The following DPY19L3 variants were observed in gnomAD, a reference collection of about 807,000 sequenced individuals.
DPY19L3 encodes the protein dpy-19 like C-mannosyltransferase 3, also known as protein C-mannosyl-transferase DPY19L3.
A neutral mutation model predicts 92.3 loss-of-function variants in DPY19L3; 51 were observed. That is an observed-to-expected ratio of 0.55 (90% CI 0.44 to 0.70). DPY19L3 has a LOEUF of 0.70. Among genes scored for constraint, DPY19L3 ranks in the 30% least tolerant of loss-of-function variants. The pLI is 0.00. For missense variants in DPY19L3, 706 were observed against 855.9 expected, an observed-to-expected ratio of 0.82 and a Z score of 2.18; for synonymous variants, 309 against 315.2, an observed-to-expected ratio of 0.98 and a Z score of 0.21.
rs368510281 is a variant in DPY19L3, at chr19:32,407,822, A to T, written c.-37-395A>T. ...CAAGATCGAGGGCAGGCTGGGCACA[A>T]TGGCTCATTCATGTAATCCTAGCAC... On this transcript the variant is annotated intron_variant, in intron 1 of 18. Coordinates refer to ENST00000392250, the MANE Select transcript of DPY19L3 (RefSeq NM_001172774.2). 6.7e-4 allele frequency among the ~76,000 whole-genome samples: 102 copies of T among 152,306 alleles called. 2 individuals are homozygous for T. The South Asian group carries it at 0.021, about 31-fold the overall frequency.
chr19:32,416,987 A>T (rs1191901717), intron 3 of DPY19L3, among the ~76,000 whole-genome samples: 1 of 152,242 alleles, frequency 6.6e-6, no homozygotes, highest in Admixed American at 6.5e-5. Flanking sequence ...AGCACAAATT[A>T]GGAGCTCACC....
rs561055535 is a variant in DPY19L3 at position 32,443,557 on chromosome 19, A to G, written c.855+3647A>G. Among the ~76,000 whole-genome samples, 194 of 152,308 alleles carry G rather than the reference A, an allele frequency of 1.3e-3. 1 individual carries two copies. The highest frequency in any genetic ancestry group is 4.6e-3 in the African/African-American group (191 of 41,570). On this transcript the variant is annotated intron_variant, in intron 8 of 18. Transcript: ENST00000392250. ...ACCAGGAAATAAGCCCTCACCAGCCACTGAATCTGCCAGTTCCTTGATCTT... is the reference window on the plus strand; with the variant it reads ...ACCAGGAAATAAGCCCTCACCAGCCGCTGAATCTGCCAGTTCCTTGATCTT...
intron 12 of DPY19L3, among the ~76,000 whole-genome samples, chr19:32,461,469 T>C (rs73569239): frequency 0.083 from 12,699 of 152,290 alleles, 1,174 homozygotes; most frequent in African/African-American, 0.2. Context: ...TCCCCTTGTC[T>C]GTTTTATTTT....
At chr19:32,461,556 G>A (rs1481284034) in intron 12 of DPY19L3, among the ~76,000 whole-genome samples, 2 of 152,170 alleles carry the variant, frequency 1.3e-5, no homozygotes, top group Non-Finnish European at 2.9e-5. Flanking sequence ...ATGGAAACCA[G>A]TGTTTGGGTT....
At chr19:32,436,032 T>G (rs893384020) in intron 4 of DPY19L3, among the ~76,000 whole-genome samples, 2 of 152,224 alleles carry the variant, frequency 1.3e-5, no homozygotes, top group African/African-American at 2.4e-5. Context: ...TTACATCCAC[T>G]TACATGCCAC....
In DPY19L3 at chr19:32,485,324, G is replaced by A. The variant is rs1334553476; in HGVS notation, c.*3084G>A. The stretch of plus-strand genomic sequence containing the variant: ...ATATTAGCCAGGAGCATAGTTAGAT[G>A]TTACCCAGGCCATTTATCATCCTGT... On this transcript the variant is annotated 3_prime_UTR_variant, in exon 19 of 19. Transcript: ENST00000392250. 6.6e-6 allele frequency: 1 copy of A among 152,126 alleles called. No homozygotes were observed. The highest frequency in any genetic ancestry group is 1.5e-5 in the Non-Finnish European group (1 of 68,024). 9.4% of individuals were successfully genotyped at this position (152,126 alleles called of 1,614,324 possible). A position where few individuals can be genotyped will look rare whatever the true frequency, so the allele number is the denominator to read the frequency against.
Position 32,463,361 on chromosome 19 carries a change from C to T in DPY19L3, c.1323-5C>T, listed in dbSNP as rs754089709. The T allele has an allele frequency of 1.2e-6, 2 of 1,613,052 alleles. No individual in the cohort carries two copies. Among genetic ancestry groups the T allele is most frequent in the Middle Eastern group, 3.3e-4 (2 of 6,042 alleles). On this transcript the variant is annotated splice_polypyrimidine_tract_variant and splice_region_variant and intron_variant, in intron 12 of 18. Transcript: ENST00000392250. The stretch of plus-strand genomic sequence containing the variant: ...TTAAATTTTGTATGTTGCTGTTTTA[C>T]TCAGTGATTCTACAAATCAACAATC...
At chr19:32,415,342 T>C (rs1001404694) in intron 3 of DPY19L3, among the ~76,000 whole-genome samples, 3 of 151,976 alleles carry the variant, frequency 2.0e-5, no homozygotes, top group African/African-American at 7.3e-5. Context: ...ACCAGGCAAG[T>C]TGGGGAGGAA....
Position 32,483,552 on chromosome 19 carries a change from G to A in DPY19L3, c.*1312G>A, listed in dbSNP as rs371460104. 1.2e-4 allele frequency: 19 copies of A among 152,670 alleles called. No individual in the cohort carries two copies. In the East Asian group the frequency reaches 3.1e-3, roughly 25 times the overall value. The allele number at this position is 152,670 out of a possible 1,614,324, so 9.5% of individuals were successfully genotyped here. On this transcript the variant is annotated 3_prime_UTR_variant, in exon 19 of 19. Transcript: ENST00000392250. ...CATTTCTCCTTGCAGTTGTATTGAA[G>A]TAAATTACCATAGGCATCAAGATGG...
At position 32,458,381 on chromosome 19, in the gene DPY19L3, A is replaced by G. The variant is rs375035361; in HGVS notation, c.1194A>G (p.Glu398=). The change falls in exon 12 of 19, where the codon GAA becomes GAG. Residue 398 remains glutamate, a synonymous_variant. Coordinates refer to ENST00000392250, the MANE Select transcript of DPY19L3 (RefSeq NM_001172774.2). The stretch of plus-strand genomic sequence containing the variant: ...TTGATGCAAATCTCTATCTGTGTGA[A>G]GAAGCTTTTGGCCTCCTGCCTTTTA... ...RDFDANLYLC[E]EAFGLLPFNT... is the part of the protein sequence containing the mutation. 16 of 1,613,364 alleles carry G rather than the reference A, an allele frequency of 9.9e-6. No homozygotes were observed. Among genetic ancestry groups the G allele is most frequent in the Non-Finnish European group, 1.4e-5 (16 of 1,179,882 alleles).
At chr19:32,434,545 G>T (rs1428525259) in intron 4 of DPY19L3, among the ~76,000 whole-genome samples, 1 of 152,138 alleles carries the variant, frequency 6.6e-6, no homozygotes, top group Non-Finnish European at 1.5e-5. Context: ...TGTAATTCCA[G>T]CTACTCCGGA....
At chr19:32,473,595 ATTGT>A (rs1159193025) in intron 16 of DPY19L3, among the ~76,000 whole-genome samples, 2 of 152,134 alleles carry the variant, frequency 1.3e-5, no homozygotes, top group African/African-American at 4.8e-5. Context: ...GAAATGTGTG[ATTGT>A]TTGTTTCTCA....
intron 9 of DPY19L3, among the ~76,000 whole-genome samples, chr19:32,453,672 CCT>C (rs1286259300): frequency 6.6e-6 from 1 of 151,970 alleles, no homozygotes; most frequent in Non-Finnish European, 1.5e-5. Flanking sequence ...TGGTGGATAC[CCT>C]GTTATTTGAT....
At chr19:32,414,836 A>G (rs1968325417) in intron 3 of DPY19L3, among the ~76,000 whole-genome samples, 1 of 152,262 alleles carries the variant, frequency 6.6e-6, no homozygotes, top group South Asian at 2.1e-4. Context: ...CTTTCCTTAA[A>G]TAAATACACC....
chr19:32,482,339 T>G lies in DPY19L3; in HGVS notation c.*99T>G. 7.2e-7 allele frequency: 1 copy of G among 1,391,962 alleles called. No individual in the cohort carries two copies. The highest frequency in any genetic ancestry group is 9.8e-7 in the Non-Finnish European group (1 of 1,020,354). The allele number at this position is 1,391,962 out of a possible 1,614,324, so 86.2% of individuals were successfully genotyped here. A position where few individuals can be genotyped will look rare whatever the true frequency, so the allele number is the denominator to read the frequency against. ...CCTATGTAAGTAGGTAGCCCAAACC[T>G]TCAAGCTGTGATATGAGTAAGTTCT... On this transcript the variant is annotated 3_prime_UTR_variant, in exon 19 of 19. Transcript: ENST00000392250.
chr19:32,477,417 T>G (rs1288636707), intron 16 of DPY19L3, 105 bp from the exon 17 acceptor site: 4 of 1,450,178 alleles, frequency 2.8e-6, no homozygotes, highest in Non-Finnish European at 3.8e-6. Context: ...CTCGTAACAC[T>G]TGGTAACATA....
Position 32,461,930 on chromosome 19 carries a change from G to A in DPY19L3, c.1323-1436G>A, listed in dbSNP as rs144669903. On this transcript the variant is annotated intron_variant, in intron 12 of 18. Coordinates refer to ENST00000392250, the MANE Select transcript of DPY19L3 (RefSeq NM_001172774.2). ...GTGTAATGTGATGTGGAATAGAGCC[G>A]TCCTGTTTTCTGTGGAAATATGTTT... Among the ~76,000 whole-genome samples, 50 of 152,276 alleles carry A rather than the reference G, an allele frequency of 3.3e-4. No homozygotes were observed. The East Asian group carries it at 6.9e-3, about 21-fold the overall frequency.
chr19:32,431,743 G>C (rs1418417730), intron 3 of DPY19L3, among the ~76,000 whole-genome samples: 6 of 152,158 alleles, frequency 3.9e-5, no homozygotes, highest in African/African-American at 1.4e-4. Context: ...TGAACCATCA[G>C]AAAACAAAGG....
intron 15 of DPY19L3, 80 bp from the exon 16 acceptor site, chr19:32,468,651 C>CT: frequency 3.2e-6 from 5 of 1,564,506 alleles, no homozygotes; most frequent in South Asian, 1.2e-5. Flanking sequence ...TGCAGTTTAT[C>CT]TTTTTTTCAT....
Sources: gnomAD v4.1 joint callset for allele counts (sites outside exome capture counted in the v4.1 genomes callset) on GRCh38, gnomAD v4.1.1 for gene constraint, MANE v1.5 for transcripts, NCBI Gene and HGNC (gene_info 2026-07-23, HGNC 2026-07-21) for gene names.